Variants in STYXL2 observed in about 807,000 individuals in gnomAD.
STYXL2 encodes serine/threonine/tyrosine-interacting-like protein 2.
In STYXL2, 44 loss-of-function variants were observed where a neutral mutation model predicts 52.4. The ratio of observed to expected loss-of-function variants is 0.84; its 90% CI spans 0.66 to 1.08. STYXL2 has a LOEUF of 1.08. Among genes scored for constraint, STYXL2 ranks in the 50% least tolerant of loss-of-function variants. The probability of loss-of-function intolerance (pLI) is 0.00; values close to 1 mark genes in which losing one functional copy is unlikely to be tolerated. For synonymous variants in STYXL2, 604 were observed against 586.9 expected, an observed-to-expected ratio of 1.03 and a Z score of -0.42; for missense variants, 1,604 against 1,471.7, an observed-to-expected ratio of 1.09 and a Z score of -1.47.
intron 5 of STYXL2, among the ~76,000 whole-genome samples, chr1:167,121,629 G>A (rs1280723819): frequency 1.3e-5 from 2 of 152,268 alleles, no homozygotes; most frequent in East Asian, 1.9e-4. Context: ...TCGGTGCCAG[G>A]AGCCGCGAGG....
rs1170777864 is a variant in STYXL2 at position 167,126,718 on chromosome 1, C to T, written c.1587C>T (p.Ser529=). ...ACAGCGTGGGCTCTGAGGCCAGTTC[C>T]TTCTACAACTTCTGCAGCAGGAACA... ...DEDSVGSEAS[S]FYNFCSRNKD... The change falls in exon 6 of 6, where the codon TCC becomes TCT. Residue 529 remains serine, a synonymous_variant. Coordinates refer to ENST00000361200, the MANE Select transcript of STYXL2 (RefSeq NM_001080426.3). 1 of 1,614,180 alleles carries T rather than the reference C, an allele frequency of 6.2e-7. No individual in the cohort carries two copies. Among genetic ancestry groups the T allele is most frequent in the Non-Finnish European group, 8.5e-7 (1 of 1,180,038 alleles).
In STYXL2 at chr1:167,117,481, G is replaced by A. The variant is rs149732757; in HGVS notation, c.359G>A (p.Arg120Gln). 3.3e-3 allele frequency: 5,356 copies of A among 1,612,296 alleles called. 18 individuals carry two copies. Among genetic ancestry groups the A allele is most frequent in the Middle Eastern group, 8.1e-3 (49 of 6,062 alleles). The change falls in exon 4 of 6, where the codon CGG becomes CAG. Residue 120 changes from arginine to glutamine, a missense_variant. Transcript: ENST00000361200. ...YNTPCVLDLQ[R>Q]ALVQDRQEAP... is the part of the protein sequence containing the mutation. The stretch of plus-strand genomic sequence containing the variant: ...ACGCCCTGTGTCCTGGACCTACAGC[G>A]GGCCCTGGTTCAGGATCGCCAAGAG...
Position 167,094,836 on chromosome 1 carries a change from G to T in STYXL2, c.-14G>T, listed in dbSNP as rs374068560. On this transcript the variant is annotated splice_region_variant and 5_prime_UTR_variant, in exon 2 of 6. Transcript: ENST00000361200. ...CCTTTTTCTTGCCAAACTTTCAGAG[G>T]TTGGCAGGTTGTCATGGCGACCAGA... is the stretch of plus-strand genomic sequence containing the variant. The T allele has an allele frequency of 6.2e-7, 1 of 1,605,558 alleles. No homozygotes were observed. The highest frequency in any genetic ancestry group is 1.1e-5 in the South Asian group (1 of 89,878).
At chr1:167,107,051 G>A (rs1412738516) in intron 2 of STYXL2, among the ~76,000 whole-genome samples, 2 of 152,182 alleles carry the variant, frequency 1.3e-5, no homozygotes, top group Non-Finnish European at 2.9e-5. Flanking sequence ...TATGGCATCA[G>A]CTGGAGTGGC....
Position 167,128,312 on chromosome 1 carries a change from A to G in STYXL2, c.3181A>G (p.Asn1061Asp), listed in dbSNP as rs1031230930. 6.2e-7 allele frequency: 1 copy of G among 1,613,842 alleles called. No individual in the cohort carries two copies. The change falls in exon 6 of 6, where the codon AAT becomes GAT. Residue 1061 changes from asparagine to aspartate, a missense_variant. Coordinates refer to ENST00000361200, the MANE Select transcript of STYXL2 (RefSeq NM_001080426.3). ...AGAGTCCCCAGAACCACAGCGCCCA[A>G]ATTGGGCCAGGTCCAGGGACTGGGA... ...REESPEPQRP[N>D]WARSRDWEDV...
chr1:167,128,364 A>C lies in STYXL2; in HGVS notation c.3233A>C (p.Asp1078Ala). 6.2e-7 allele frequency: 1 copy of C among 1,614,130 alleles called. No homozygotes were observed. The highest frequency in any genetic ancestry group is 8.5e-7 in the Non-Finnish European group (1 of 1,180,012). The change falls in exon 6 of 6, where the codon GAC becomes GCC. Residue 1078 changes from aspartate (D) to alanine (A), a missense_variant. Coordinates refer to ENST00000361200, the MANE Select transcript of STYXL2 (RefSeq NM_001080426.3). ...WEDVEESSKS[D>A]FSEFGAKRKF... The stretch of plus-strand genomic sequence containing the variant: ...GATGTGGAAGAGTCATCCAAGTCAG[A>C]CTTCTCTGAATTTGGAGCCAAGAGG...
Position 167,127,709 on chromosome 1 carries a change from G to T in STYXL2, c.2578G>T (p.Ala860Ser). ...GTCTGAGTACAAAATGGAAAAGCTG[G>T]CCTCAGACAACAAACGCAGCTCCCT... Reference protein sequence around the residue: ...KMSEYKMEKLASDNKRSSLFK... With the variant: ...KMSEYKMEKLSSDNKRSSLFK... The change falls in exon 6 of 6, where the codon GCC becomes TCC. Residue 860 changes from alanine to serine, a missense_variant. Coordinates refer to ENST00000361200, the MANE Select transcript of STYXL2 (RefSeq NM_001080426.3). 1 of 1,614,024 alleles carries T rather than the reference G, an allele frequency of 6.2e-7. No individual in the cohort carries two copies. Among genetic ancestry groups the T allele is most frequent in the Non-Finnish European group, 8.5e-7 (1 of 1,180,008 alleles).
chr1:167,128,077 A>G lies in STYXL2; in HGVS notation c.2946A>G (p.Lys982=). 1 of 1,614,162 alleles carries G rather than the reference A, an allele frequency of 6.2e-7. No homozygotes were observed. The highest frequency in any genetic ancestry group is 8.5e-7 in the Non-Finnish European group (1 of 1,180,018). The change falls in exon 6 of 6, where the codon AAA becomes AAG. Residue 982 remains lysine (K), a synonymous_variant. Coordinates refer to ENST00000361200, the MANE Select transcript of STYXL2 (RefSeq NM_001080426.3). The stretch of plus-strand genomic sequence containing the variant: ...AATCCTCCAGTTACAAGTTTTCCAA[A>G]TCCCAGTCAGAGGAACAGGACACCT... ...ESKSSSYKFS[K]SQSEEQDTSS... is the part of the protein sequence containing the mutation.
At chr1:167,104,388 C>T (rs892560836) in intron 2 of STYXL2, among the ~76,000 whole-genome samples, 1 of 152,142 alleles carries the variant, frequency 6.6e-6, no homozygotes, top group Non-Finnish European at 1.5e-5. Flanking sequence ...TGGTAAGGCT[C>T]GATCAGGCTT....
chr1:167,119,744 G>GA (rs1431329116), intron 5 of STYXL2, among the ~76,000 whole-genome samples: 4 of 151,948 alleles, frequency 2.6e-5, no homozygotes, highest in South Asian at 2.1e-4. Context: ...GACAGAAAAT[G>GA]AAAAAAAGAG....
At chr1:167,112,317 T>C (rs1667636252) in intron 2 of STYXL2, among the ~76,000 whole-genome samples, 1 of 152,134 alleles carries the variant, frequency 6.6e-6, no homozygotes, top group Non-Finnish European at 1.5e-5. Flanking sequence ...GCAAGAGCAC[T>C]GGGCTTGCTG....
chr1:167,113,838 C>T (rs762329990), intron 3 of STYXL2, 34 bp downstream of exon 3: 13 of 1,541,130 alleles, frequency 8.4e-6, no homozygotes, highest in Middle Eastern at 1.7e-4. Context: ...GAAGCAAAGT[C>T]CAGTGGTCAT....
intron 1 of STYXL2, 109 bp from the exon 2 acceptor site, chr1:167,094,725 A>C: frequency 1.4e-6 from 1 of 724,858 alleles, no homozygotes; most frequent in Non-Finnish European, 2.4e-6. Context: ...GCCCACCGGG[A>C]CCTTCCTAGT....
At chr1:167,120,662 G>C (rs934701861) in intron 5 of STYXL2, among the ~76,000 whole-genome samples, 5 of 151,558 alleles carry the variant, frequency 3.3e-5, no homozygotes, top group African/African-American at 1.2e-4. Context: ...ACAGGATGCA[G>C]CTCTGTTGCC....
At position 167,126,631 on chromosome 1, in the gene STYXL2, G is replaced by A. The variant is rs957985554; in HGVS notation, c.1500G>A (p.Lys500=). 8 of 1,614,156 alleles carry A rather than the reference G, an allele frequency of 5.0e-6. No individual in the cohort carries two copies. Among genetic ancestry groups the A allele is most frequent in the South Asian group, 1.1e-5 (1 of 91,084 alleles). Residue 500 remains lysine (K), a synonymous_variant, in exon 6 of 6, where the codon AAG becomes AAA. Transcript: ENST00000361200. ...CCCGGAGGTACCACGCCAAGAGCAA[G>A]AGAGAGGAGGCGGCAGACAGGAGCT... is the stretch of plus-strand genomic sequence containing the variant. ...EASRRYHAKS[K]REEAADRSSE... is the part of the protein sequence containing the mutation.
intron 2 of STYXL2, among the ~76,000 whole-genome samples, chr1:167,095,403 A>G (rs1466785860): frequency 6.6e-6 from 1 of 151,926 alleles, no homozygotes; most frequent in Non-Finnish European, 1.5e-5. Flanking sequence ...ATTCCCTAGC[A>G]CTAAAATAAT....
chr1:167,111,509 TATATACACAC>T (rs1161743532), intron 2 of STYXL2, among the ~76,000 whole-genome samples: 251 of 48,314 alleles, frequency 5.2e-3, no homozygotes, highest in African/African-American at 8.6e-3. Flanking sequence ...TATATATATA[TATATACACAC>T]ACACACACAC....
chr1:167,119,410 C>T lies in STYXL2; in HGVS notation c.599C>T (p.Ser200Phe), dbSNP rs369912751. ...EVDDFPEVDI[S>F]QHFRKASEFL... ...GATGACTTTCCTGAGGTGGACATTT[C>T]CCAGCATTTCCGGAAGGCGTCTGAG... Residue 200 changes from serine to phenylalanine, a missense_variant, in exon 5 of 6, where the codon TCC becomes TTC. Ser to Phe is a radical substitution (Grantham distance 155, BLOSUM62 -2). Transcript: ENST00000361200. The T allele has an allele frequency of 6.2e-7, 1 of 1,614,204 alleles. No homozygotes were observed. Among genetic ancestry groups the T allele is most frequent in the South Asian group, 1.1e-5 (1 of 91,086 alleles).
rs1340776254 is a variant in STYXL2, at chr1:167,128,217, C to A, written c.3086C>A (p.Thr1029Asn). 6 of 1,614,198 alleles carry A rather than the reference C, an allele frequency of 3.7e-6. No individual in the cohort carries two copies. The highest frequency in any genetic ancestry group is 5.1e-6 in the Non-Finnish European group (6 of 1,180,030). The change falls in exon 6 of 6, where the codon ACC (threonine) becomes AAC (asparagine). Residue 1029 changes from threonine (T) to asparagine (N), a missense_variant. Transcript: ENST00000361200. Reference sequence around the variant, plus strand: ...TTCTCCAGGTCCACGTACAACGAGACCTCAAGTTCCCGAGAGGAGAGCCCA... The same window carrying A: ...TTCTCCAGGTCCACGTACAACGAGAACTCAAGTTCCCGAGAGGAGAGCCCA... ...HKFSRSTYNE[T>N]SSSREESPEP... is the part of the protein sequence containing the mutation.
Sources: allele counts gnomAD v4.1 joint callset (sites outside exome capture counted in the v4.1 genomes callset), GRCh38; gene constraint gnomAD v4.1.1; transcripts MANE v1.5; gene names NCBI Gene and HGNC (gene_info 2026-07-23, HGNC 2026-07-21).